ZNF618: variants seen among roughly 807,000 people sequenced by gnomAD.
The protein encoded by ZNF618 is neural precursor cell expressed, developmentally down-regulated 10.
ZNF618 carries 34 observed loss-of-function variants against 103.0 expected under a neutral mutation model. The observed-to-expected ratio is 0.33, with a 90% CI of 0.25 to 0.44. ZNF618 has a LOEUF of 0.44. ZNF618 is among the 20% of genes least tolerant of loss of function. The pLI is 1.00. For synonymous variants in ZNF618, 551 were observed against 542.2 expected (o/e 1.02, Z -0.23); for missense variants, 1,059 against 1,295.4 (o/e 0.82, Z 2.80).
At chr9:113,964,634 T>G (rs1274307521) in intron 1 of ZNF618, among the ~76,000 whole-genome samples, 1 of 152,160 alleles carries the variant, frequency 6.6e-6, no homozygotes, top group East Asian at 1.9e-4. Flanking sequence ...CCCCACGTGC[T>G]TGGGTTCTAT....
At chr9:113,917,517 G>A (rs974881022) in intron 1 of ZNF618, among the ~76,000 whole-genome samples, 7 of 151,774 alleles carry the variant, frequency 4.6e-5, no homozygotes, top group African/African-American at 1.7e-4. Context: ...GCCTCCTAAA[G>A]TGCTGGGGTT....
intron 9 of ZNF618, among the ~76,000 whole-genome samples, chr9:114,014,816 A>G (rs1375769265): frequency 6.6e-6 from 1 of 152,130 alleles, no homozygotes; most frequent in East Asian, 1.9e-4. Flanking sequence ...TTGGATTTCT[A>G]ACAGGTTCCC....
At chr9:113,974,174 AAGC>A (rs1257811104) in intron 2 of ZNF618, among the ~76,000 whole-genome samples, 2 of 152,236 alleles carry the variant, frequency 1.3e-5, no homozygotes, top group African/African-American at 4.8e-5. Context: ...GGGGTGGGGA[AAGC>A]AGAAGAGATT....
At chr9:114,047,776 AGGCCTGAGTCCCAAT>A in intron 13 of ZNF618, 102 bp from the exon 14 acceptor site, 1 of 780,100 alleles carries the variant, frequency 1.3e-6, no homozygotes, top group Non-Finnish European at 2.1e-6. Context: ...ATTTTAACCC[AGGCCTGAGTCCCAAT>A]GGCCACATTC....
In ZNF618 at chr9:114,050,434, G is replaced by GCACACACTCA; in HGVS notation, c.*274_*275insTCACACACAC. The GCACACACTCA allele has an allele frequency of 3.2e-6, 1 of 316,726 alleles. No individual in the cohort carries two copies. The highest frequency in any genetic ancestry group is 2.7e-5 in the African/African-American group (1 of 36,368). 19.6% of individuals were successfully genotyped at this position (316,726 alleles called of 1,614,324 possible). On this transcript the variant is annotated 3_prime_UTR_variant, in exon 15 of 15. Coordinates refer to ENST00000374126, the MANE Select transcript of ZNF618 (RefSeq NM_001318042.2). Reference sequence around the variant, plus strand: ...TCATCTCCATGGCCAGAGAAACTTTGCACACACGCACACACACACACACAC... The same window carrying GCACACACTCA: ...TCATCTCCATGGCCAGAGAAACTTTGCACACACTCACACACACGCACACACACACACACAC...
At chr9:113,951,216 G>A (rs1360514425) in intron 1 of ZNF618, among the ~76,000 whole-genome samples, 1 of 150,796 alleles carries the variant, frequency 6.6e-6, no homozygotes, top group East Asian at 2.0e-4. Context: ...TAACCTCTCT[G>A]TGCTTCCCTT....
At chr9:114,031,462 T>C (rs536835804) in intron 11 of ZNF618, among the ~76,000 whole-genome samples, 4 of 152,350 alleles carry the variant, frequency 2.6e-5, no homozygotes, top group South Asian at 2.1e-4. Context: ...CTGCAGGCAC[T>C]GCCTCTGGCT....
rs113819665 is a variant in ZNF618, at chr9:114,050,442, G to GCACACACACACACACACACACA, written c.*287_*308dup. On this transcript the variant is annotated 3_prime_UTR_variant, in exon 15 of 15. Transcript: ENST00000374126. ...ATGGCCAGAGAAACTTTGCACACAC[G>GCACACACACACACACACACACA]CACACACACACACACACACACACAC... The GCACACACACACACACACACACA allele has an allele frequency of 4.8e-6, 1 of 207,706 alleles. No homozygotes were observed. Among genetic ancestry groups the GCACACACACACACACACACACA allele is most frequent in the African/African-American group, 2.5e-5 (1 of 40,698 alleles). 12.9% of individuals were successfully genotyped at this position (207,706 alleles called of 1,614,324 possible). A position where few individuals can be genotyped will look rare whatever the true frequency, so the allele number is the denominator to read the frequency against.
Position 113,919,253 on chromosome 9 carries a change from G to A in ZNF618, c.33+42840G>A, listed in dbSNP as rs567269011. On this transcript the variant is annotated intron_variant, in intron 1 of 14. Transcript: ENST00000374126. ...AATGACTTGGTTGAACAGCAGCCGC[G>A]GCAGGGAGAGATGCTCTGGTGGCTG... 2.6e-5 allele frequency among the ~76,000 whole-genome samples: 4 copies of A among 152,254 alleles called. No homozygotes were observed. In the East Asian group the frequency reaches 7.7e-4, roughly 29 times the overall value.
chr9:113,893,325 A>T (rs1365488086), intron 1 of ZNF618, among the ~76,000 whole-genome samples: 1 of 152,202 alleles, frequency 6.6e-6, no homozygotes, highest in Non-Finnish European at 1.5e-5. Flanking sequence ...CAGATGGAAT[A>T]TGATAGTTGT....
At chr9:113,897,304 A>C (rs1830112451) in intron 1 of ZNF618, among the ~76,000 whole-genome samples, 1 of 152,168 alleles carries the variant, frequency 6.6e-6, no homozygotes. Context: ...ATCCTTCAGT[A>C]CTCAAGAGAT....
intron 1 of ZNF618, among the ~76,000 whole-genome samples, chr9:113,945,048 C>T (rs556812861): frequency 6.6e-5 from 10 of 152,196 alleles, no homozygotes; most frequent in Non-Finnish European, 1.3e-4. Context: ...CTCCATTCTC[C>T]TCAGGGTGAA....
intron 1 of ZNF618, among the ~76,000 whole-genome samples, chr9:113,902,986 A>C (rs534594851): frequency 6.6e-6 from 1 of 152,236 alleles, no homozygotes; most frequent in South Asian, 2.1e-4. Context: ...CTTTTTTATG[A>C]TGTGTACCCA....
At chr9:113,989,747 G>A (rs1273126933) in intron 3 of ZNF618, among the ~76,000 whole-genome samples, 2 of 152,236 alleles carry the variant, frequency 1.3e-5, no homozygotes, top group East Asian at 1.9e-4. Context: ...AAGTCCTGGT[G>A]CCTTTTCTTC....
rs1165170334 is a variant in ZNF618 at position 114,052,701 on chromosome 9, C to G, written c.*2534C>G. Reference sequence around the variant, plus strand: ...TTTGTGTGGTAGGTGAGAGCAGAGCCTGGGAGCCCATCCTCCCTCTACTTG... The same window carrying G: ...TTTGTGTGGTAGGTGAGAGCAGAGCGTGGGAGCCCATCCTCCCTCTACTTG... On this transcript the variant is annotated 3_prime_UTR_variant, in exon 15 of 15. Transcript: ENST00000374126. 1 of 152,208 alleles carries G rather than the reference C, an allele frequency of 6.6e-6. No homozygotes were observed. The highest frequency in any genetic ancestry group is 1.9e-4 in the East Asian group (1 of 5,190). The allele number at this position is 152,208 out of a possible 1,614,324, so 9.4% of individuals were successfully genotyped here. A position where few individuals can be genotyped will look rare whatever the true frequency, so the allele number is the denominator to read the frequency against.
chr9:114,042,281 T>A (rs1194214187), intron 13 of ZNF618, among the ~76,000 whole-genome samples: 1 of 152,236 alleles, frequency 6.6e-6, no homozygotes, highest in African/African-American at 2.4e-5. Context: ...CTTACAGAGA[T>A]ATAATTTACT....
intron 1 of ZNF618, among the ~76,000 whole-genome samples, chr9:113,918,896 C>T (rs911845665): frequency 6.6e-6 from 1 of 152,050 alleles, no homozygotes. Context: ...GTGTCTGGCA[C>T]GTTGTGGAGT....
At chr9:114,043,740 T>C (rs1845417003) in intron 13 of ZNF618, among the ~76,000 whole-genome samples, 1 of 152,080 alleles carries the variant, frequency 6.6e-6, no homozygotes, top group Admixed American at 6.5e-5. Flanking sequence ...ATTATGGCCA[T>C]TCTTGCAGGA....
chr9:114,029,634 T>TA (rs112269873), intron 11 of ZNF618, among the ~76,000 whole-genome samples: 13,773 of 149,474 alleles, frequency 0.092, 733 homozygotes, highest in African/African-American at 0.15. Context: ...AAACTTAATT[T>TA]AAAAAAAAAA....
Sources: gnomAD v4.1 joint callset for allele counts (sites outside exome capture counted in the v4.1 genomes callset) on GRCh38, gnomAD v4.1.1 for gene constraint, MANE v1.5 for transcripts, NCBI Gene and HGNC (gene_info 2026-07-23, HGNC 2026-07-21) for gene names.